The following PRKD1 variants were observed in gnomAD, a reference collection of about 807,000 sequenced individuals.
PRKD1 encodes the protein serine/threonine-protein kinase D1.
PRKD1 carries 63 observed loss-of-function variants against 95.9 expected under a neutral mutation model. The observed-to-expected ratio is 0.66, with a 90% CI of 0.54 to 0.81. The LOEUF (loss-of-function observed/expected upper bound fraction) is 0.81. Among genes scored for constraint, PRKD1 ranks in the 30% least tolerant of loss-of-function variants. The pLI is 0.00. For synonymous variants in PRKD1, 425 were observed against 423.1 expected (o/e 1.00, Z -0.05); for missense variants, 1,048 against 1,165.3 (o/e 0.90, Z 1.47).
chr14:29,648,000 A>T (rs572426224), intron 4 of PRKD1, among the ~76,000 whole-genome samples: 1 of 152,338 alleles, frequency 6.6e-6, no homozygotes, highest in African/African-American at 2.4e-5. Flanking sequence ...CATGTCCTAT[A>T]ACTTATGCTC....
At chr14:29,697,039 C>A (rs45456695) in intron 2 of PRKD1, among the ~76,000 whole-genome samples, 4,974 of 151,922 alleles carry the variant, frequency 0.033, 152 homozygotes, top group African/African-American at 0.078. Context: ...TGTGAAATCT[C>A]TATAATTTTT....
chr14:29,629,334 G>C (rs1879832461), intron 10 of PRKD1, among the ~76,000 whole-genome samples: 1 of 152,122 alleles, frequency 6.6e-6, no homozygotes, highest in South Asian at 2.1e-4. Context: ...GAAGGACTTG[G>C]ATTCAAATAC....
At chr14:29,579,704 T>C (rs1249895740) in intron 16 of PRKD1, among the ~76,000 whole-genome samples, 2 of 152,184 alleles carry the variant, frequency 1.3e-5, no homozygotes, top group South Asian at 2.1e-4. Flanking sequence ...ATGGAGCTAA[T>C]GTTACAAGTA....
At chr14:29,703,237 G>T (rs535096260) in intron 2 of PRKD1, among the ~76,000 whole-genome samples, 2 of 152,200 alleles carry the variant, frequency 1.3e-5, no homozygotes, top group East Asian at 3.9e-4. Context: ...CTCTAACTAT[G>T]CCTACTAGAC....
At chr14:29,776,128 A>C (rs900565196) in intron 1 of PRKD1, among the ~76,000 whole-genome samples, 1 of 152,188 alleles carries the variant, frequency 6.6e-6, no homozygotes, top group Non-Finnish European at 1.5e-5. Flanking sequence ...GGACATCCAC[A>C]CCAAAACCCC....
At chr14:29,824,136 T>C (rs892835750) in intron 1 of PRKD1, among the ~76,000 whole-genome samples, 1 of 152,146 alleles carries the variant, frequency 6.6e-6, no homozygotes, top group East Asian at 1.9e-4. Context: ...AGCAATTCTG[T>C]ATTTGAAAGG....
At chr14:29,697,833 T>A (rs1262297114) in intron 2 of PRKD1, among the ~76,000 whole-genome samples, 2 of 152,156 alleles carry the variant, frequency 1.3e-5, no homozygotes, top group African/African-American at 4.8e-5. Context: ...CCCACGACTT[T>A]CTGCTTTTTT....
intron 16 of PRKD1, among the ~76,000 whole-genome samples, chr14:29,586,028 G>A (rs2138969581): frequency 6.6e-6 from 1 of 152,318 alleles, no homozygotes; most frequent in African/African-American, 2.4e-5. Context: ...GTAGTTCTGA[G>A]GTGGGGCCTG....
intron 1 of PRKD1, among the ~76,000 whole-genome samples, chr14:29,826,700 C>CACACATATATAT: frequency 3.5e-5 from 1 of 28,738 alleles, no homozygotes; most frequent in East Asian, 9.7e-4. Context: ...CATATATATA[C>CACACATATATAT]ATATATACAC....
At chr14:29,730,434 G>A (rs148641665) in intron 1 of PRKD1, among the ~76,000 whole-genome samples, 117 of 152,208 alleles carry the variant, frequency 7.7e-4, no homozygotes, top group African/African-American at 2.6e-3. Flanking sequence ...AATAGGTACA[G>A]CCACTATAAA....
chr14:29,717,711 A>G (rs1885691829), intron 2 of PRKD1, among the ~76,000 whole-genome samples: 1 of 152,104 alleles, frequency 6.6e-6, no homozygotes, highest in Admixed American at 6.6e-5. Context: ...GGCAAGAAAT[A>G]TTATTTATTT....
At chr14:29,901,775 C>T (rs1020211531) in intron 1 of PRKD1, among the ~76,000 whole-genome samples, 10 of 152,008 alleles carry the variant, frequency 6.6e-5, no homozygotes, top group African/African-American at 1.2e-4. Context: ...TTCAAAAATA[C>T]TCACTCAAGC....
At chr14:29,631,072 T>C in intron 9 of PRKD1, 51 bp from the exon 10 acceptor site, 1 of 1,487,814 alleles carries the variant, frequency 6.7e-7, no homozygotes, top group Non-Finnish European at 9.1e-7. Context: ...TATGTAAACT[T>C]TCAAAGAAAA....
intron 1 of PRKD1, among the ~76,000 whole-genome samples, chr14:29,805,505 C>G (rs942579019): frequency 6.6e-6 from 1 of 152,192 alleles, no homozygotes; most frequent in Non-Finnish European, 1.5e-5. Flanking sequence ...GGTCATACAA[C>G]TGAGCTAAAT....
intron 13 of PRKD1, among the ~76,000 whole-genome samples, chr14:29,623,906 C>T (rs571645503): frequency 2.6e-5 from 4 of 152,178 alleles, no homozygotes; most frequent in African/African-American, 7.2e-5. Context: ...TGAAATATTA[C>T]CCATTTAATG....
intron 2 of PRKD1, among the ~76,000 whole-genome samples, chr14:29,704,199 C>T (rs1356132982): frequency 1.3e-5 from 2 of 151,900 alleles, no homozygotes; most frequent in Non-Finnish European, 2.9e-5. Context: ...AGGGGAAAGG[C>T]CTGTTTATAA....
intron 1 of PRKD1, among the ~76,000 whole-genome samples, chr14:29,738,405 T>A (rs1331696036): frequency 6.6e-6 from 1 of 152,162 alleles, no homozygotes; most frequent in Non-Finnish European, 1.5e-5. Context: ...TGATGTTCTA[T>A]CATACAATAA....
intron 1 of PRKD1, among the ~76,000 whole-genome samples, chr14:29,800,320 A>G (rs1889973409): frequency 6.6e-6 from 1 of 152,198 alleles, no homozygotes; most frequent in Admixed American, 6.5e-5. Context: ...TTCCAAGGAG[A>G]GTCCGCACTG....
At chr14:29,796,114 A>C (rs1389107770) in intron 1 of PRKD1, among the ~76,000 whole-genome samples, 2 of 152,200 alleles carry the variant, frequency 1.3e-5, no homozygotes, top group Non-Finnish European at 2.9e-5. Context: ...CCATTGGATT[A>C]CATGGTACAT....
Sources: gnomAD v4.1 joint callset for allele counts (sites outside exome capture counted in the v4.1 genomes callset) on GRCh38, gnomAD v4.1.1 for gene constraint, MANE v1.5 for transcripts, NCBI Gene and HGNC (gene_info 2026-07-23, HGNC 2026-07-21) for gene names.